The following ADAMTSL1 variants were observed in gnomAD, a reference collection of about 807,000 sequenced individuals.
ADAMTSL1 encodes the protein ADAMTS-like protein 1.
A neutral mutation model predicts 201.8 loss-of-function variants in ADAMTSL1; 126 were observed. The ratio of observed to expected loss-of-function variants is 0.62; its 90% CI spans 0.54 to 0.72. ADAMTSL1 has a LOEUF of 0.72. Among genes scored for constraint, ADAMTSL1 ranks in the 30% least tolerant of loss-of-function variants. The pLI, the probability that ADAMTSL1 is intolerant of heterozygous loss-of-function variation, is 0.00. For synonymous variants in ADAMTSL1, 1,121 were observed against 903.4 expected, an observed-to-expected ratio of 1.24 and a Z score of -4.32; for missense variants, 2,679 against 2,277.8, an observed-to-expected ratio of 1.18 and a Z score of -3.59.
chr9:18,593,845 A>G (rs1824082556), intron 4 of ADAMTSL1, among the ~76,000 whole-genome samples: 1 of 152,074 alleles, frequency 6.6e-6, no homozygotes, highest in African/African-American at 2.4e-5. Context: ...GCTGTCCTTG[A>G]GAATGATCCA....
chr9:17,967,556 T>C (rs1040412241), intron 1 of ADAMTSL1, among the ~76,000 whole-genome samples: 10 of 152,036 alleles, frequency 6.6e-5, no homozygotes, highest in Admixed American at 6.6e-4. Flanking sequence ...ACACCAACCA[T>C]ATAGATGACA....
At chr9:18,103,850 AG>A (rs1205279525) in intron 1 of ADAMTSL1, among the ~76,000 whole-genome samples, 7 of 152,192 alleles carry the variant, frequency 4.6e-5, no homozygotes, top group Admixed American at 4.6e-4. Context: ...CTAGACCCAT[AG>A]GTGGTCTATA....
intron 3 of ADAMTSL1, among the ~76,000 whole-genome samples, chr9:18,558,530 T>C (rs919677682): frequency 2.0e-5 from 3 of 152,200 alleles, no homozygotes; most frequent in Non-Finnish European, 4.4e-5. Context: ...TACCAAGTAA[T>C]GGGATTGCTG....
At chr9:18,085,357 C>A (rs187029591) in intron 1 of ADAMTSL1, among the ~76,000 whole-genome samples, 1 of 152,090 alleles carries the variant, frequency 6.6e-6, no homozygotes, top group East Asian at 1.9e-4. Context: ...GTAATAGTAT[C>A]TTCTTCATAG....
intron 2 of ADAMTSL1, among the ~76,000 whole-genome samples, chr9:18,202,985 A>G (rs1055122629): frequency 4.0e-5 from 6 of 151,896 alleles, no homozygotes; most frequent in Admixed American, 1.3e-4. Flanking sequence ...CACAAACTCA[A>G]TTCTCATGGG....
chr9:18,573,944 C>T, intron 3 of ADAMTSL1, 86 bp from the exon 4 acceptor site: 2 of 1,048,198 alleles, frequency 1.9e-6, no homozygotes, highest in South Asian at 1.5e-5. Flanking sequence ...CTTTCTAAGA[C>T]CTAAGCAGAC....
chr9:18,744,395 A>G (rs1467466462), intron 15 of ADAMTSL1, among the ~76,000 whole-genome samples: 1 of 152,222 alleles, frequency 6.6e-6, no homozygotes, highest in Non-Finnish European at 1.5e-5. Flanking sequence ...TAAGTTGAAC[A>G]TGTCACAAAT....
At chr9:17,960,269 A>T (rs1817688436) in intron 1 of ADAMTSL1, among the ~76,000 whole-genome samples, 1 of 152,176 alleles carries the variant, frequency 6.6e-6, no homozygotes, top group African/African-American at 2.4e-5. Context: ...AACTGTAGAT[A>T]CTATGTCTGC....
intron 1 of ADAMTSL1, among the ~76,000 whole-genome samples, chr9:17,960,704 G>A (rs1266277844): frequency 6.6e-6 from 1 of 152,142 alleles, no homozygotes; most frequent in Non-Finnish European, 1.5e-5. Flanking sequence ...CACTATTCCT[G>A]TATTCATCTG....
At chr9:18,433,172 A>G (rs796217784) in intron 2 of ADAMTSL1, among the ~76,000 whole-genome samples, 8 of 152,242 alleles carry the variant, frequency 5.3e-5, no homozygotes, top group African/African-American at 1.9e-4. Flanking sequence ...TGCTGACTAC[A>G]ACTAAAAACA....
chr9:18,432,314 C>T (rs1053908442), intron 2 of ADAMTSL1, among the ~76,000 whole-genome samples: 5 of 152,196 alleles, frequency 3.3e-5, no homozygotes, highest in Non-Finnish European at 5.9e-5. Context: ...GAGCCCAGCA[C>T]ATAAGAAGTG....
intron 1 of ADAMTSL1, among the ~76,000 whole-genome samples, chr9:17,979,215 C>T (rs1452507858): frequency 6.6e-6 from 1 of 152,104 alleles, no homozygotes; most frequent in African/African-American, 2.4e-5. Context: ...TATTGCTTCC[C>T]AGATCTGGGG....
intron 1 of ADAMTSL1, among the ~76,000 whole-genome samples, chr9:17,931,784 A>G (rs868308331): frequency 6.6e-6 from 1 of 152,124 alleles, no homozygotes; most frequent in Middle Eastern, 3.2e-3. Context: ...CTTTAATAGG[A>G]TTAGCAAGGA....
At chr9:18,310,512 GA>G (rs142457714) in intron 2 of ADAMTSL1, among the ~76,000 whole-genome samples, 1 of 147,894 alleles carries the variant, frequency 6.8e-6, no homozygotes, top group Non-Finnish European at 1.5e-5. Flanking sequence ...AAATTTACAA[GA>G]AAAAACAACC....
At chr9:18,860,059 C>T (rs944631734) in intron 23 of ADAMTSL1, among the ~76,000 whole-genome samples, 7 of 152,152 alleles carry the variant, frequency 4.6e-5, no homozygotes, top group East Asian at 1.9e-4. Flanking sequence ...AGATCAATTA[C>T]GTCTGAGAAG....
At chr9:17,990,881 C>T (rs1299175706) in intron 1 of ADAMTSL1, among the ~76,000 whole-genome samples, 1 of 152,152 alleles carries the variant, frequency 6.6e-6, no homozygotes, top group Non-Finnish European at 1.5e-5. Context: ...TCCTTACCAA[C>T]TTTACCTAGT....
chr9:18,064,188 G>T (rs1487859423), intron 1 of ADAMTSL1, among the ~76,000 whole-genome samples: 1 of 152,144 alleles, frequency 6.6e-6, no homozygotes, highest in African/African-American at 2.4e-5. Flanking sequence ...GCAGCTGGAT[G>T]GGATCCTTTA....
chr9:18,515,447 A>G (rs1429826567), intron 2 of ADAMTSL1, among the ~76,000 whole-genome samples: 1 of 152,048 alleles, frequency 6.6e-6, no homozygotes, highest in South Asian at 2.1e-4. Context: ...CCGTCCTCCT[A>G]TCTCAGCCTC....
chr9:18,829,873 A>G lies in ADAMTSL1; in HGVS notation c.4145A>G (p.Asp1382Gly). Residue 1382 changes from aspartate (D) to glycine (G), a missense_variant, in exon 23 of 29, where the codon GAC becomes GGC. By Grantham distance (94) the Asp-to-Gly change is moderately conservative. Coordinates refer to ENST00000380548, the MANE Select transcript of ADAMTSL1 (RefSeq NM_001040272.6). ...CCCCAAGTCCCCACACAGTTGGAAGACATCAGGGCCTTGCTCGCTGCCACT... is the reference window on the plus strand; with the variant it reads ...CCCCAAGTCCCCACACAGTTGGAAGGCATCAGGGCCTTGCTCGCTGCCACT... ...DPPQVPTQLE[D>G]IRALLAATGP... 1 of 1,613,944 alleles carries G rather than the reference A, an allele frequency of 6.2e-7. No individual in the cohort carries two copies.
Sources: allele counts gnomAD v4.1 joint callset (sites outside exome capture counted in the v4.1 genomes callset), GRCh38; gene constraint gnomAD v4.1.1; transcripts MANE v1.5; gene names NCBI Gene and HGNC (gene_info 2026-07-23, HGNC 2026-07-21).